The following PHF3 variants were observed in gnomAD, a reference collection of about 807,000 sequenced individuals.
PHF3 encodes PHD finger protein 3.
In PHF3, 41 loss-of-function variants were observed where a neutral mutation model predicts 178.4. The ratio of observed to expected loss-of-function variants is 0.23; its 90% CI spans 0.18 to 0.30. The LOEUF (loss-of-function observed/expected upper bound fraction) is 0.30. Ranked by LOEUF, PHF3 falls within the 10% of genes least tolerant of loss-of-function variation. The pLI is 1.00. For synonymous variants in PHF3, 842 were observed against 800.5 expected (o/e 1.05, Z -0.88); for missense variants, 2,346 against 2,398.1 (o/e 0.98, Z 0.45).
At chr6:63,693,208 A>G (rs1210317931) in intron 5 of PHF3, among the ~76,000 whole-genome samples, 1 of 152,258 alleles carries the variant, frequency 6.6e-6, no homozygotes, top group Non-Finnish European at 1.5e-5. Flanking sequence ...ATTATTAACT[A>G]GTATTAATAA....
chr6:63,647,260 C>T (rs991993802), intron 2 of PHF3, among the ~76,000 whole-genome samples: 1 of 152,042 alleles, frequency 6.6e-6, no homozygotes, highest in African/African-American at 2.4e-5. Flanking sequence ...ACATTGTTTG[C>T]TCCCATTTCA....
chr6:63,702,112 G>A (rs1197275599), intron 9 of PHF3, among the ~76,000 whole-genome samples: 1 of 152,208 alleles, frequency 6.6e-6, no homozygotes, highest in Non-Finnish European at 1.5e-5. Context: ...TGTGGGGGAT[G>A]TTAGAACATT....
intron 12 of PHF3, among the ~76,000 whole-genome samples, 175 bp downstream of exon 12, chr6:63,706,399 T>G (rs1767694220): frequency 6.6e-6 from 1 of 152,100 alleles, no homozygotes; most frequent in African/African-American, 2.4e-5. Context: ...ATATTTGGAG[T>G]GTTTTCAGTG....
chr6:63,680,980 C>T (rs1422830991), intron 3 of PHF3, among the ~76,000 whole-genome samples: 2 of 152,064 alleles, frequency 1.3e-5, no homozygotes, highest in East Asian at 3.9e-4. Flanking sequence ...TGATGCACCT[C>T]TTCCAGTAGT....
In PHF3 at chr6:63,710,515, T is replaced by C. The variant is rs540949717; in HGVS notation, c.3802-652T>C. Among the ~76,000 whole-genome samples, 33 of 152,076 alleles carry C rather than the reference T, an allele frequency of 2.2e-4. No individual in the cohort carries two copies. In the South Asian group the frequency reaches 4.4e-3, roughly 20 times the overall value. On this transcript the variant is annotated intron_variant, in intron 14 of 15. Transcript: ENST00000262043. ...CATATACCATCATGAAAAAAAACAT[T>C]GTTGTTGAACACTACCAAATTAATA...
chr6:63,689,047 C>A (rs1447780351), intron 4 of PHF3, among the ~76,000 whole-genome samples: 1 of 152,188 alleles, frequency 6.6e-6, no homozygotes, highest in African/African-American at 2.4e-5. Context: ...TAAGCAACTT[C>A]TATGCATATC....
At position 63,691,754 on chromosome 6, in the gene PHF3, G is replaced by A; in HGVS notation, c.2207G>A (p.Gly736Glu). The A allele has an allele frequency of 6.2e-7, 1 of 1,607,096 alleles. No homozygotes were observed. Among genetic ancestry groups the A allele is most frequent in the Non-Finnish European group, 8.5e-7 (1 of 1,175,528 alleles). The change falls in exon 5 of 16, where the codon GGG (glycine) becomes GAG (glutamate). Residue 736 changes from glycine to glutamate, a missense_variant. Coordinates refer to ENST00000262043, the MANE Select transcript of PHF3 (RefSeq NM_001370348.2). ...PHGNRFMVGC[G>E]RCDDWFHGDC... ...TTTTCCAGGTTTATGGTTGGCTGTG[G>A]GAGATGTGATGACTGGTTTCATGGT...
At chr6:63,658,528 A>AT (rs1383112270) in intron 2 of PHF3, among the ~76,000 whole-genome samples, 4 of 152,060 alleles carry the variant, frequency 2.6e-5, no homozygotes, top group African/African-American at 9.7e-5. Context: ...TTACTTAGGG[A>AT]TTTTGGAACC....
At chr6:63,662,214 G>A (rs530520249) in intron 2 of PHF3, among the ~76,000 whole-genome samples, 1 of 152,224 alleles carries the variant, frequency 6.6e-6, no homozygotes, top group East Asian at 1.9e-4. Flanking sequence ...GTGCCAAAAA[G>A]GTTGGGGGCC....
At position 63,713,120 on chromosome 6, in the gene PHF3, C is replaced by G. The variant is rs1209941534; in HGVS notation, c.5532C>G (p.Gly1844=). The G allele has an allele frequency of 1.2e-6, 2 of 1,614,024 alleles. No homozygotes were observed. Among genetic ancestry groups the G allele is most frequent in the Non-Finnish European group, 1.7e-6 (2 of 1,179,958 alleles). The change falls in exon 16 of 16, where the codon GGC becomes GGG. Residue 1844 remains glycine (G), a synonymous_variant. Transcript: ENST00000262043. ...CACCTCCATTACTTCCCCCTCCAGG[C>G]TTTGGCTTTGCTCAAAATCCCATGG... The part of the protein sequence containing the change: ...HLPPPLLPPP[G]FGFAQNPMVP...
chr6:63,720,960 A>C lies in PHF3; in HGVS notation c.*7252A>C. 1.9e-6 allele frequency: 3 copies of C among 1,551,356 alleles called. No homozygotes were observed. Among genetic ancestry groups the C allele is most frequent in the Non-Finnish European group, 2.6e-6 (3 of 1,146,782 alleles). On this transcript the variant is annotated 3_prime_UTR_variant, in exon 16 of 16. Coordinates refer to ENST00000262043, the MANE Select transcript of PHF3 (RefSeq NM_001370348.2). ...CATAGGCACAGAGATTCTTTCTCCC[A>C]AGTTAACTGCTATTTTCAAGGTCTG... is the stretch of plus-strand genomic sequence containing the variant.
Position 63,720,654 on chromosome 6 carries a change from A to G in PHF3, c.*6946A>G. 6.5e-7 allele frequency: 1 copy of G among 1,532,600 alleles called. No individual in the cohort carries two copies. Among genetic ancestry groups the G allele is most frequent in the Non-Finnish European group, 8.8e-7 (1 of 1,137,834 alleles). The allele number at this position is 1,532,600 out of a possible 1,614,324, so 94.9% of individuals were successfully genotyped here. On this transcript the variant is annotated 3_prime_UTR_variant, in exon 16 of 16. Coordinates refer to ENST00000262043, the MANE Select transcript of PHF3 (RefSeq NM_001370348.2). ...AACATTGTATCCTTCTAATTTAATTAGTTCAATGTTTTTTGGTTCCTGAAA... is the reference window on the plus strand; with the variant it reads ...AACATTGTATCCTTCTAATTTAATTGGTTCAATGTTTTTTGGTTCCTGAAA...
Position 63,714,562 on chromosome 6 carries a change from A to C in PHF3, c.*854A>C, listed in dbSNP as rs2149616221. The stretch of plus-strand genomic sequence containing the variant: ...TACTCAGCCAAGAACATATAGAAAT[A>C]GCTATCTATGTCAGGCATTAGATGA... On this transcript the variant is annotated 3_prime_UTR_variant, in exon 16 of 16. Coordinates refer to ENST00000262043, the MANE Select transcript of PHF3 (RefSeq NM_001370348.2). The C allele has an allele frequency of 6.5e-6, 1 of 152,678 alleles. No homozygotes were observed. The highest frequency in any genetic ancestry group is 2.1e-4 in the South Asian group (1 of 4,830). The allele number at this position is 152,678 out of a possible 1,614,324, so 9.5% of individuals were successfully genotyped here.
chr6:63,713,188 G>T lies in PHF3; in HGVS notation c.5600G>T (p.Arg1867Leu), dbSNP rs766085140. 6.2e-7 allele frequency: 1 copy of T among 1,613,904 alleles called. No individual in the cohort carries two copies. The change falls in exon 16 of 16, where the codon CGT becomes CTT. Residue 1867 changes from arginine to leucine, a missense_variant. By Grantham distance (102) the Arg-to-Leu change is moderately radical. This residue lies in a region of PHF3 where 839 missense variants were observed against 806.9 expected (regional missense o/e 1.04). Coordinates refer to ENST00000262043, the MANE Select transcript of PHF3 (RefSeq NM_001370348.2). ...PVVHLPGQPQ[R>L]MMGPLSQASR... ...GTTCATCTCCCAGGTCAGCCACAGC[G>T]TATGATGGGTCCTCTCTCACAAGCA...
chr6:63,724,090 T>A lies in PHF3; in HGVS notation c.*10382T>A, dbSNP rs115614591. 0.012 allele frequency among the ~76,000 whole-genome samples: 1,804 copies of A among 152,228 alleles called. 30 individuals are homozygous for A. The highest frequency in any genetic ancestry group is 0.042 in the African/African-American group (1,732 of 41,546). On this transcript the variant is annotated 3_prime_UTR_variant, in exon 16 of 16. Coordinates refer to ENST00000262043, the MANE Select transcript of PHF3 (RefSeq NM_001370348.2). ...CCAAAGTGGTGGGATTACAGGCATATGCCACTGCACCTGGCCTTGGATTCG... is the reference window on the plus strand; with the variant it reads ...CCAAAGTGGTGGGATTACAGGCATAAGCCACTGCACCTGGCCTTGGATTCG...
chr6:63,650,517 T>TC (rs1764174424), intron 2 of PHF3, among the ~76,000 whole-genome samples: 1 of 152,218 alleles, frequency 6.6e-6, no homozygotes, highest in African/African-American at 2.4e-5. Context: ...GCAGTGTTGT[T>TC]CGATAGAATT....
rs561849929 is a variant in PHF3 at position 63,725,607 on chromosome 6, G to T, written c.*11899G>T. On this transcript the variant is annotated 3_prime_UTR_variant, in exon 16 of 16. Coordinates refer to ENST00000262043, the MANE Select transcript of PHF3 (RefSeq NM_001370348.2). ...TATCTCAGGAGAACAAATTTCTTCT[G>T]AGCTGTATTTTATAGCTCAATTGTA... is the stretch of plus-strand genomic sequence containing the variant. 1.3e-5 allele frequency among the ~76,000 whole-genome samples: 2 copies of T among 152,148 alleles called. No homozygotes were observed. The highest frequency in any genetic ancestry group is 3.9e-4 in the East Asian group (2 of 5,182).
intron 1 of PHF3, among the ~76,000 whole-genome samples, chr6:63,643,200 C>T (rs1027323255): frequency 1.3e-5 from 2 of 152,044 alleles, no homozygotes; most frequent in Admixed American, 6.5e-5. Context: ...GTATCCATTA[C>T]AAGTGAGTAA....
At chr6:63,662,412 C>G (rs972685216) in intron 2 of PHF3, among the ~76,000 whole-genome samples, 3 of 152,118 alleles carry the variant, frequency 2.0e-5, no homozygotes, top group Admixed American at 2.0e-4. Flanking sequence ...ATTTTATTTT[C>G]TTTAGTTCTA....
Sources: allele counts gnomAD v4.1 joint callset (sites outside exome capture counted in the v4.1 genomes callset), GRCh38; gene constraint gnomAD v4.1.1; regional missense constraint gnomAD v4.1.1; transcripts MANE v1.5; gene names NCBI Gene and HGNC (gene_info 2026-07-23, HGNC 2026-07-21).